Variants in KCNN3 observed in about 807,000 individuals in gnomAD.
The protein encoded by KCNN3 is small conductance calcium-activated potassium channel protein 3.
In KCNN3, 16 loss-of-function variants were observed where a neutral mutation model predicts 62.9. The ratio of observed to expected loss-of-function variants is 0.25; its 90% CI spans 0.17 to 0.39. The LOEUF (loss-of-function observed/expected upper bound fraction) is 0.39. KCNN3 is among the 10% of genes least tolerant of loss of function. The pLI, the probability that KCNN3 is intolerant of heterozygous loss-of-function variation, is 1.00. For missense variants in KCNN3, 599 were observed against 949.4 expected, an observed-to-expected ratio of 0.63 and a Z score of 4.85; for synonymous variants, 370 against 389.2, an observed-to-expected ratio of 0.95 and a Z score of 0.58.
intron 7 of KCNN3, among the ~76,000 whole-genome samples, chr1:154,709,393 T>C (rs1485254462): frequency 6.6e-6 from 1 of 152,160 alleles, no homozygotes; most frequent in East Asian, 1.9e-4. Context: ...GGGTTTCTGA[T>C]GATCTGCCAG....
chr1:154,771,092 TAAA>T (rs1648538841), intron 3 of KCNN3, among the ~76,000 whole-genome samples: 1 of 141,058 alleles, frequency 7.1e-6, no homozygotes, highest in South Asian at 2.2e-4. Context: ...AATAAATAAA[TAAA>T]TAAATAAATA....
At chr1:154,821,372 G>A (rs896641698) in intron 2 of KCNN3, among the ~76,000 whole-genome samples, 1 of 152,194 alleles carries the variant, frequency 6.6e-6, no homozygotes, top group Non-Finnish European at 1.5e-5. Flanking sequence ...GAAGGGCCGG[G>A]GGCTGGGGGA....
At chr1:154,864,306 G>T (rs1652875980) in intron 1 of KCNN3, among the ~76,000 whole-genome samples, 1 of 152,258 alleles carries the variant, frequency 6.6e-6, no homozygotes, top group Non-Finnish European at 1.5e-5. Context: ...AGGACACTGT[G>T]ACAGCCAACA....
intron 2 of KCNN3, among the ~76,000 whole-genome samples, chr1:154,783,167 C>G (rs190493514): frequency 1.3e-5 from 2 of 150,586 alleles, no homozygotes; most frequent in Non-Finnish European, 3.0e-5. Context: ...GAGTCGAGAT[C>G]GCACCACTGT....
chr1:154,863,082 C>T (rs1247336734), intron 1 of KCNN3, among the ~76,000 whole-genome samples: 2 of 152,168 alleles, frequency 1.3e-5, no homozygotes, highest in Admixed American at 6.5e-5. Flanking sequence ...TGGTCCTTGC[C>T]TTCCCCTCTC....
At chr1:154,780,199 T>TC (rs1298922951) in intron 2 of KCNN3, among the ~76,000 whole-genome samples, 1 of 61,748 alleles carries the variant, frequency 1.6e-5, no homozygotes, top group Non-Finnish European at 4.1e-5. Flanking sequence ...TTTTTCTTTT[T>TC]TTTTTTTTTT....
chr1:154,866,426 G>A (rs1259625080), intron 1 of KCNN3, among the ~76,000 whole-genome samples: 5 of 152,120 alleles, frequency 3.3e-5, no homozygotes, highest in Non-Finnish European at 7.4e-5. Flanking sequence ...AAACAGGCTC[G>A]CTAAAGCTCC....
chr1:154,797,272 G>T (rs1312748579), intron 2 of KCNN3, among the ~76,000 whole-genome samples: 1 of 152,138 alleles, frequency 6.6e-6, no homozygotes, highest in African/African-American at 2.4e-5. Context: ...GATAATCAAG[G>T]ATGGTGGAAA....
Position 154,705,465 on chromosome 1 carries a change from C to T in KCNN3, c.*2511G>A, listed in dbSNP as rs1261410178. On this transcript the variant is annotated 3_prime_UTR_variant, in exon 8 of 8. Coordinates refer to ENST00000271915, the MANE Select transcript of KCNN3 (RefSeq NM_002249.6). ...TGCACTACCAATAGGTCAATTCATG[C>T]TACAAATGTCCATGTGTTTCTAGGA... 6.7e-6 allele frequency: 1 copy of T among 149,754 alleles called. No homozygotes were observed. The allele number at this position is 149,754 out of a possible 1,614,324, so 9.3% of individuals were successfully genotyped here.
chr1:154,729,138 G>GT (rs1210128333), intron 4 of KCNN3, among the ~76,000 whole-genome samples: 2 of 152,188 alleles, frequency 1.3e-5, no homozygotes, highest in South Asian at 2.1e-4. Context: ...TGGCTGGTGG[G>GT]TAGAGGGGGT....
At chr1:154,846,039 G>A (rs545594907) in intron 1 of KCNN3, among the ~76,000 whole-genome samples, 52 of 152,266 alleles carry the variant, frequency 3.4e-4, no homozygotes, top group African/African-American at 1.2e-3. Context: ...AAAACAGTGG[G>A]GTGGCACAGC....
At chr1:154,760,376 A>C (rs1647942243) in intron 3 of KCNN3, among the ~76,000 whole-genome samples, 1 of 150,332 alleles carries the variant, frequency 6.7e-6, no homozygotes, top group Non-Finnish European at 1.5e-5. Flanking sequence ...AGAACGAGAA[A>C]GCGGCCGCGG....
At chr1:154,717,902 C>T (rs1700263826) in intron 5 of KCNN3, among the ~76,000 whole-genome samples, 1 of 152,218 alleles carries the variant, frequency 6.6e-6, no homozygotes, top group Non-Finnish European at 1.5e-5. Flanking sequence ...GGGTCTCCCT[C>T]CAGTTCACCT....
intron 2 of KCNN3, among the ~76,000 whole-genome samples, chr1:154,798,457 T>C (rs368321406): frequency 1.2e-4 from 19 of 152,318 alleles, no homozygotes; most frequent in African/African-American, 4.6e-4. Flanking sequence ...GTCTCACACA[T>C]TGAACAATTT....
At chr1:154,733,770 A>G (rs777345792) in intron 3 of KCNN3, among the ~76,000 whole-genome samples, 7 of 152,120 alleles carry the variant, frequency 4.6e-5, no homozygotes, top group Non-Finnish European at 1.0e-4. Context: ...AACTGGAAAC[A>G]TCAGCACCAT....
chr1:154,764,919 A>G (rs1648186515), intron 3 of KCNN3, among the ~76,000 whole-genome samples: 1 of 152,164 alleles, frequency 6.6e-6, no homozygotes, highest in African/African-American at 2.4e-5. Context: ...GTTCCCCCCA[A>G]AAGTAAACTC....
intron 5 of KCNN3, 52 bp downstream of exon 5, chr1:154,725,853 TTTCTGATTGGC>T: frequency 7.8e-7 from 1 of 1,282,880 alleles, no homozygotes; most frequent in East Asian, 2.3e-5. Context: ...GACCATTTGC[TTTCTGATTGGC>T]TTCCACTGTG....
chr1:154,815,728 C>A (rs1650636912), intron 2 of KCNN3, among the ~76,000 whole-genome samples: 1 of 152,128 alleles, frequency 6.6e-6, no homozygotes, highest in African/African-American at 2.4e-5. Context: ...TGCTATTATA[C>A]CTTGTCTCTC....
At chr1:154,722,783 G>A (rs1205118365) in intron 5 of KCNN3, among the ~76,000 whole-genome samples, 7 of 150,646 alleles carry the variant, frequency 4.6e-5, no homozygotes, top group African/African-American at 1.7e-4. Flanking sequence ...CCAGGCTGGA[G>A]TGCAGTGGTG....
Sources: allele counts gnomAD v4.1 joint callset (sites outside exome capture counted in the v4.1 genomes callset), GRCh38; gene constraint gnomAD v4.1.1; transcripts MANE v1.5; gene names NCBI Gene and HGNC (gene_info 2026-07-23, HGNC 2026-07-21).